TLK2: variants seen among roughly 807,000 people sequenced by gnomAD.
TLK2 encodes the protein tousled like kinase 2.
In TLK2, 6 loss-of-function variants were observed where a neutral mutation model predicts 117.3. That is an observed-to-expected ratio of 0.05 (90% CI 0.03 to 0.10). The LOEUF (loss-of-function observed/expected upper bound fraction) is 0.10. Ranked by LOEUF, TLK2 falls within the 10% of genes least tolerant of loss-of-function variation. The pLI is 1.00. For missense variants in TLK2, 299 were observed against 901.2 expected, an observed-to-expected ratio of 0.33 and a Z score of 8.56; for synonymous variants, 257 against 316.7, an observed-to-expected ratio of 0.81 and a Z score of 2.00.
At chr17:62,519,699 T>C (rs562919238) in intron 2 of TLK2, among the ~76,000 whole-genome samples, 1 of 152,318 alleles carries the variant, frequency 6.6e-6, no homozygotes, top group East Asian at 1.9e-4. Flanking sequence ...TGCTACTGTG[T>C]ATGGAATTAT....
At chr17:62,497,681 A>T (rs1206336902) in intron 2 of TLK2, among the ~76,000 whole-genome samples, 1 of 152,200 alleles carries the variant, frequency 6.6e-6, no homozygotes, top group Non-Finnish European at 1.5e-5. Flanking sequence ...AGTCAAGCCA[A>T]TCTGACATTT....
chr17:62,504,876 C>T (rs2074533718), intron 2 of TLK2, among the ~76,000 whole-genome samples: 1 of 152,124 alleles, frequency 6.6e-6, no homozygotes, highest in Admixed American at 6.5e-5. Flanking sequence ...TACTTTGAGA[C>T]TGAGTCTCAC....
intron 18 of TLK2, 57 bp downstream of exon 18, chr17:62,600,877 C>A: frequency 6.9e-7 from 1 of 1,458,462 alleles, no homozygotes. Context: ...TTATAAGTGA[C>A]TTTTAATTTG....
chr17:62,506,277 C>T (rs372600924), intron 2 of TLK2, among the ~76,000 whole-genome samples: 25 of 152,186 alleles, frequency 1.6e-4, no homozygotes, highest in African/African-American at 5.3e-4. Context: ...AGTGCTAGGA[C>T]GTGTGTGTAT....
In TLK2 at chr17:62,606,122, T is replaced by C. The variant is rs1039452659; in HGVS notation, c.1860-8T>C. The C allele has an allele frequency of 7.3e-6, 10 of 1,370,174 alleles. No individual in the cohort carries two copies. In the Admixed American group the frequency reaches 1.5e-4, roughly 21 times the overall value. The allele number at this position is 1,370,174 out of a possible 1,614,324, so 84.9% of individuals were successfully genotyped here. On this transcript the variant is annotated splice_region_variant and splice_polypyrimidine_tract_variant and intron_variant, in intron 19 of 21. Transcript: ENST00000346027. ...ATTCTAATAATTTATATTTCTTTTT[T>C]GTCCCAGGTATTTACCACCAGAGTG... is the stretch of plus-strand genomic sequence containing the variant.
Position 62,587,749 on chromosome 17 carries a change from C to A in TLK2, c.1460+1523C>A, listed in dbSNP as rs1272634221. Among the ~76,000 whole-genome samples the A allele has an allele frequency of 2.6e-5, 4 of 152,114 alleles. No homozygotes were observed. The East Asian group carries it at 5.8e-4, about 22-fold the overall frequency. ...GCAGTTACATTATTATAAGAACATT[C>A]CAGTCACTTGATATGTAGGGATGAG... On this transcript the variant is annotated intron_variant, in intron 16 of 21. Transcript: ENST00000346027.
chr17:62,584,132 T>TTTTTA (rs2081426516), intron 15 of TLK2, among the ~76,000 whole-genome samples: 1 of 87,222 alleles, frequency 1.1e-5, no homozygotes, highest in African/African-American at 4.2e-5. Flanking sequence ...TTTTTTTTTT[T>TTTTTA]GATACGGAAT....
chr17:62,576,253 A>C (rs988275624), intron 12 of TLK2, among the ~76,000 whole-genome samples: 7 of 152,052 alleles, frequency 4.6e-5, no homozygotes, highest in Non-Finnish European at 8.8e-5. Flanking sequence ...TAGTCCTCAG[A>C]CTCCAAATCC....
intron 2 of TLK2, among the ~76,000 whole-genome samples, chr17:62,510,424 C>T (rs2598145): frequency 6.6e-6 from 1 of 152,216 alleles, no homozygotes; most frequent in Non-Finnish European, 1.5e-5. Context: ...AATGAGTTTA[C>T]TGATCTTCTT....
chr17:62,476,408 TC>T (rs1179705883), upstream of TLK2, among the ~76,000 whole-genome samples: 1 of 151,410 alleles, frequency 6.6e-6, no homozygotes, highest in Non-Finnish European at 1.5e-5. Flanking sequence ...ATAGTGAAAC[TC>T]CGTCTCTACT....
chr17:62,580,599 T>C (rs1215052176), intron 15 of TLK2, among the ~76,000 whole-genome samples: 1 of 152,224 alleles, frequency 6.6e-6, no homozygotes, highest in Non-Finnish European at 1.5e-5. Context: ...AACCTGCTTT[T>C]TGTTTTAGAA....
intron 2 of TLK2, among the ~76,000 whole-genome samples, chr17:62,499,849 TAA>T (rs771994863): frequency 7.3e-5 from 10 of 136,812 alleles, no homozygotes; most frequent in Admixed American, 1.5e-4. Context: ...AGACTCAGTC[TAA>T]AAAAAAAAAA....
In TLK2 at chr17:62,580,098, C is replaced by T. The variant is rs776080423; in HGVS notation, c.1287-13C>T. 5.6e-6 allele frequency: 9 copies of T among 1,609,104 alleles called. No homozygotes were observed. The highest frequency in any genetic ancestry group is 7.6e-6 in the Non-Finnish European group (9 of 1,177,200). On this transcript the variant is annotated splice_polypyrimidine_tract_variant and intron_variant, in intron 14 of 21. Coordinates refer to ENST00000346027, the MANE Select transcript of TLK2 (RefSeq NM_006852.6). ...CATGATCTCAGGGTGTTACATGTTCCCTGTTTCCACAGATTTAAAGATCAT... is the reference window on the plus strand; with the variant it reads ...CATGATCTCAGGGTGTTACATGTTCTCTGTTTCCACAGATTTAAAGATCAT...
intron 17 of TLK2, among the ~76,000 whole-genome samples, chr17:62,599,443 G>C (rs530186094): frequency 1.3e-5 from 2 of 152,164 alleles, no homozygotes; most frequent in Non-Finnish European, 1.5e-5. Context: ...TGTATCTTTG[G>C]GGGGTTAGCC....
intron 9 of TLK2, among the ~76,000 whole-genome samples, chr17:62,559,344 AT>A (rs1381415439): frequency 6.6e-6 from 1 of 151,658 alleles, no homozygotes; most frequent in African/African-American, 2.4e-5. Context: ...CACTCTTTGT[AT>A]TTTAAACATT....
intron 2 of TLK2, among the ~76,000 whole-genome samples, chr17:62,513,599 G>A (rs1030121498): frequency 2.0e-5 from 3 of 152,060 alleles, no homozygotes; most frequent in Non-Finnish European, 4.4e-5. Context: ...TGCTCTCAAA[G>A]TGTTGGGATC....
At chr17:62,492,497 G>C (rs973039317) in intron 2 of TLK2, among the ~76,000 whole-genome samples, 6 of 151,052 alleles carry the variant, frequency 4.0e-5, no homozygotes, top group African/African-American at 1.5e-4. Flanking sequence ...TTACTCTGTC[G>C]CCCAGGCTGG....
intron 2 of TLK2, among the ~76,000 whole-genome samples, chr17:62,508,197 G>T: frequency 7.5e-6 from 1 of 133,182 alleles, no homozygotes; most frequent in Admixed American, 8.2e-5. Flanking sequence ...TGAGTCTGTG[G>T]GTGGCTCTTT....
intron 7 of TLK2, among the ~76,000 whole-genome samples, chr17:62,545,781 C>T (rs2077864537): frequency 6.6e-6 from 1 of 152,052 alleles, no homozygotes; most frequent in African/African-American, 2.4e-5. Context: ...TGGCTCACTA[C>T]AGCCTCAACT....
Sources: allele counts gnomAD v4.1 joint callset (sites outside exome capture counted in the v4.1 genomes callset), GRCh38; gene constraint gnomAD v4.1.1; transcripts MANE v1.5; gene names NCBI Gene and HGNC (gene_info 2026-07-23, HGNC 2026-07-21).